ENC1: variants seen among roughly 807,000 people sequenced by gnomAD.
ENC1 encodes the protein ectodermal-neural cortex 1, also known as ectoderm-neural cortex protein 1.
ENC1 carries 19 observed loss-of-function variants against 40.9 expected under a neutral mutation model. The observed-to-expected ratio is 0.46, with a 90% CI of 0.32 to 0.68. The LOEUF is 0.68. ENC1 is among the 30% of genes least tolerant of loss of function. The pLI is 0.03. For synonymous variants in ENC1, 285 were observed against 291.1 expected, an observed-to-expected ratio of 0.98 and a Z score of 0.21; for missense variants, 479 against 737.5, an observed-to-expected ratio of 0.65 and a Z score of 4.06.
rs1253076251 is a variant in ENC1 at position 74,627,427 on chromosome 5, T to C, written c.*2598A>G. 6.6e-6 allele frequency: 1 copy of C among 151,508 alleles called. No individual in the cohort carries two copies. The highest frequency in any genetic ancestry group is 2.4e-5 in the African/African-American group (1 of 40,916). The allele number at this position is 151,508 out of a possible 1,614,324, so 9.4% of individuals were successfully genotyped here. ...CACATAATGAAGAGAAAATCTCTAATAATTTATTGACCTTCAGTTTCACAT... is the reference window on the plus strand; with the variant it reads ...CACATAATGAAGAGAAAATCTCTAACAATTTATTGACCTTCAGTTTCACAT... On this transcript the variant is annotated 3_prime_UTR_variant, in exon 3 of 3. Coordinates refer to ENST00000302351, the MANE Select transcript of ENC1 (RefSeq NM_003633.4).
At chr5:74,630,954 TC>T (rs1237694542) in intron 2 of ENC1, among the ~76,000 whole-genome samples, 1 of 152,198 alleles carries the variant, frequency 6.6e-6, no homozygotes, top group African/African-American at 2.4e-5. Flanking sequence ...TTTGGCTGTT[TC>T]CTAACAGTGA....
rs183052915 is a variant in ENC1, at chr5:74,632,832, T to C, written c.*32+1852A>G. 4.9e-3 allele frequency among the ~76,000 whole-genome samples: 744 copies of C among 152,156 alleles called. 7 individuals are homozygous for C. Among genetic ancestry groups the C allele is most frequent in the African/African-American group, 0.017 (706 of 41,528 alleles). On this transcript the variant is annotated intron_variant, in intron 2 of 2. Transcript: ENST00000302351. ...CACCATTGCACCCCAGCCTGGGAAATAGAATAAGACTCTGTCTCAAAAAGA... is the reference window on the plus strand; with the variant it reads ...CACCATTGCACCCCAGCCTGGGAAACAGAATAAGACTCTGTCTCAAAAAGA...
intron 2 of ENC1, among the ~76,000 whole-genome samples, chr5:74,634,396 A>G (rs2112025366): frequency 6.6e-6 from 1 of 152,224 alleles, no homozygotes; most frequent in South Asian, 2.1e-4. Context: ...TGGGTGACAG[A>G]GCGAGACTCT....
At chr5:74,630,634 C>T (rs906295552) in intron 2 of ENC1, among the ~76,000 whole-genome samples, 17 of 152,176 alleles carry the variant, frequency 1.1e-4, no homozygotes, top group African/African-American at 2.9e-4. Context: ...TCAGTCCACA[C>T]GTAGGTGCCA....
chr5:74,630,933 G>A (rs1469365756), intron 2 of ENC1, among the ~76,000 whole-genome samples: 1 of 152,156 alleles, frequency 6.6e-6, no homozygotes, highest in Non-Finnish European at 1.5e-5. Context: ...TTCATTTCAT[G>A]AGTTGTTTCT....
rs1561194018 is a variant in ENC1, at chr5:74,636,579, A to C, written c.-13-81T>G. 2 of 800,772 alleles carry C rather than the reference A, an allele frequency of 2.5e-6. No individual in the cohort carries two copies. Among genetic ancestry groups the C allele is most frequent in the African/African-American group, 1.7e-5 (1 of 57,558 alleles). 49.6% of individuals were successfully genotyped at this position (800,772 alleles called of 1,614,324 possible). On this transcript the variant is annotated intron_variant, in intron 1 of 2. Transcript: ENST00000302351. The surrounding 1 kb of genome is among the most constrained non-coding windows in gnomAD (Gnocchi z 4.8). The stretch of plus-strand genomic sequence containing the variant: ...AGAACGAAAGCAACAATGGTTTTGC[A>C]CAAAAAACAGAACACTTTGTTGTTG...
rs769371714 is a variant in ENC1, at chr5:74,634,696, C to A, written c.*20G>T. 1 of 1,552,712 alleles carries A rather than the reference C, an allele frequency of 6.4e-7. No homozygotes were observed. The highest frequency in any genetic ancestry group is 8.9e-7 in the Non-Finnish European group (1 of 1,127,430). ...CTAAACTTCTTACCTCATGCTCACT[C>A]TCTTTAGAATGTACTGCATTTAAGA... On this transcript the variant is annotated 3_prime_UTR_variant, in exon 2 of 3. Coordinates refer to ENST00000302351, the MANE Select transcript of ENC1 (RefSeq NM_003633.4).
chr5:74,634,628 A>AT, intron 2 of ENC1, 56 bp downstream of exon 2: 1 of 819,066 alleles, frequency 1.2e-6, no homozygotes, highest in Non-Finnish European at 2.0e-6. Context: ...CCATGTACTG[A>AT]ACTTACACAA....
At position 74,627,426 on chromosome 5, in the gene ENC1, A is replaced by G. The variant is rs184988547; in HGVS notation, c.*2599T>C. 4 of 152,650 alleles carry G rather than the reference A, an allele frequency of 2.6e-5. No homozygotes were observed. The highest frequency in any genetic ancestry group is 3.4e-3 in the Middle Eastern group (1 of 294). 9.5% of individuals were successfully genotyped at this position (152,650 alleles called of 1,614,324 possible). A position where few individuals can be genotyped will look rare whatever the true frequency, so the allele number is the denominator to read the frequency against. On this transcript the variant is annotated 3_prime_UTR_variant, in exon 3 of 3. Transcript: ENST00000302351. ...ACACATAATGAAGAGAAAATCTCTA[A>G]TAATTTATTGACCTTCAGTTTCACA...
rs551171359 is a variant in ENC1 at position 74,634,800 on chromosome 5, T to C, written c.1686A>G (p.Leu562=). 1.7e-5 allele frequency: 27 copies of C among 1,614,094 alleles called. No homozygotes were observed. In the East Asian group the frequency reaches 5.3e-4, roughly 32 times the overall value. The change falls in exon 2 of 3, where the codon TTA becomes TTG. Residue 562 remains leucine, a synonymous_variant. Coordinates refer to ENST00000302351, the MANE Select transcript of ENC1 (RefSeq NM_003633.4). ...CAGTGGTGATGCTGTTCCACACGTC[T>C]AATGTTGGATCGTAGCAGTCCAAAG... ...CKTLDCYDPT[L]DVWNSITTVP... is the part of the protein sequence containing the mutation.
rs968083805 is a variant in ENC1, at chr5:74,628,876, C to G, written c.*1149G>C. The G allele has an allele frequency of 6.6e-6, 1 of 152,058 alleles. No homozygotes were observed. The highest frequency in any genetic ancestry group is 2.4e-5 in the African/African-American group (1 of 41,380). The allele number at this position is 152,058 out of a possible 1,614,324, so 9.4% of individuals were successfully genotyped here. ...AATGCCTTTACTTGTGCCCTATATA[C>G]AGAACTATTCCATAGAATTTTCCAG... On this transcript the variant is annotated 3_prime_UTR_variant, in exon 3 of 3. Coordinates refer to ENST00000302351, the MANE Select transcript of ENC1 (RefSeq NM_003633.4).
Position 74,636,009 on chromosome 5 carries a change from G to T in ENC1, c.477C>A (p.His159Gln). Residue 159 changes from histidine (H) to glutamine (Q), a missense_variant, in exon 2 of 3, where the codon CAC becomes CAA. By Grantham distance (24) the His-to-Gln change is conservative (BLOSUM62 0). Coordinates refer to ENST00000302351, the MANE Select transcript of ENC1 (RefSeq NM_003633.4). This position sits in a 1 kb window ranked among gnomAD's most constrained non-coding sequence, Gnocchi z 4.8. ...CLGMLLLSDA[H>Q]QCTKLYELSW... is the part of the protein sequence containing the mutation. ...ATAGTTCGTACAGCTTGGTGCACTG[G>T]TGTGCATCAGACAGCAGCAGCATGC... The T allele has an allele frequency of 6.2e-7, 1 of 1,613,430 alleles. No homozygotes were observed. The highest frequency in any genetic ancestry group is 8.5e-7 in the Non-Finnish European group (1 of 1,179,356).
chr5:74,631,477 A>G (rs1305781170), intron 2 of ENC1, among the ~76,000 whole-genome samples: 3 of 152,174 alleles, frequency 2.0e-5, no homozygotes, highest in Non-Finnish European at 4.4e-5. Context: ...ACTTTAAGGC[A>G]CTCCAACCCC....
chr5:74,635,275 G>T lies in ENC1; in HGVS notation c.1211C>A (p.Pro404Gln). 1 of 1,614,192 alleles carries T rather than the reference G, an allele frequency of 6.2e-7. No individual in the cohort carries two copies. The highest frequency in any genetic ancestry group is 1.1e-5 in the South Asian group (1 of 91,074). Residue 404 changes from proline to glutamine, a missense_variant, in exon 2 of 3, where the codon CCG (proline) becomes CAG (glutamine). Coordinates refer to ENST00000302351, the MANE Select transcript of ENC1 (RefSeq NM_003633.4). This position sits in a 1 kb window ranked among gnomAD's most constrained non-coding sequence, Gnocchi z 5.5. ...GGHTAATGCL[P>Q]ASPSVSLKQV... Reference sequence around the variant, plus strand: ...CTTTAGAGAGACTGAGGGGGAGGCCGGGAGGCAGCCAGTTGCGGCCGTGTG... The same window carrying T: ...CTTTAGAGAGACTGAGGGGGAGGCCTGGAGGCAGCCAGTTGCGGCCGTGTG...
rs1747299056 is a variant in ENC1, at chr5:74,629,043, A to G, written c.*982T>C. On this transcript the variant is annotated 3_prime_UTR_variant, in exon 3 of 3. Coordinates refer to ENST00000302351, the MANE Select transcript of ENC1 (RefSeq NM_003633.4). ...AGCCTCCCCTTACCCTATCAGCACA[A>G]CCAAACCCCATGAAATCCCATTAAA... The G allele has an allele frequency of 6.6e-6, 1 of 152,286 alleles. No homozygotes were observed. Among genetic ancestry groups the G allele is most frequent in the Admixed American group, 6.5e-5 (1 of 15,308 alleles). 9.4% of individuals were successfully genotyped at this position (152,286 alleles called of 1,614,324 possible). A position where few individuals can be genotyped will look rare whatever the true frequency, so the allele number is the denominator to read the frequency against.
At chr5:74,637,641 CG>C (rs1242379055) in intron 1 of ENC1, 2 of 152,160 alleles carry the variant, frequency 1.3e-5, no homozygotes, top group Non-Finnish European at 2.9e-5. Context: ...AAGATCCATC[CG>C]TCTTTTGATT....
chr5:74,629,767 A>T lies in ENC1; in HGVS notation c.*258T>A, dbSNP rs1747328254. ...TGACATTAATCCACAATTACAAGAC[A>T]AGGACTAGATCACAGGTTTGTTCAT... On this transcript the variant is annotated 3_prime_UTR_variant, in exon 3 of 3. Coordinates refer to ENST00000302351, the MANE Select transcript of ENC1 (RefSeq NM_003633.4). The T allele has an allele frequency of 6.6e-6, 1 of 151,848 alleles. No homozygotes were observed. Among genetic ancestry groups the T allele is most frequent in the African/African-American group, 2.4e-5 (1 of 41,416 alleles). The allele number at this position is 151,848 out of a possible 1,614,324, so 9.4% of individuals were successfully genotyped here.
chr5:74,638,161 A>T (rs1747676467), intron 1 of ENC1, among the ~76,000 whole-genome samples: 1 of 152,242 alleles, frequency 6.6e-6, no homozygotes, highest in African/African-American at 2.4e-5. Flanking sequence ...CCAAAAGCGC[A>T]GCTGAAACTC....
rs760783601 is a variant in ENC1 at position 74,634,854 on chromosome 5, T to C, written c.1632A>G (p.Gly544=). The C allele has an allele frequency of 6.2e-7, 1 of 1,614,182 alleles. No homozygotes were observed. Among genetic ancestry groups the C allele is most frequent in the African/African-American group, 1.3e-5 (1 of 75,040 alleles). The part of the protein sequence containing the change: ...VASGNKLYVV[G]GYFGIQRCKT... Reference sequence around the variant, plus strand: ...TGCATCGCTGAATGCCAAAGTATCCTCCAACCACGTAGAGTTTGTTTCCAG... The same window carrying C: ...TGCATCGCTGAATGCCAAAGTATCCCCCAACCACGTAGAGTTTGTTTCCAG... The change falls in exon 2 of 3, where the codon GGA becomes GGG. Residue 544 remains glycine, a synonymous_variant. Transcript: ENST00000302351.
Sources: gnomAD v4.1 joint callset for allele counts (sites outside exome capture counted in the v4.1 genomes callset) on GRCh38, gnomAD v4.1.1 for gene constraint, Gnocchi (gnomAD v3.1) non-coding constraint, MANE v1.5 for transcripts, NCBI Gene and HGNC (gene_info 2026-07-23, HGNC 2026-07-21) for gene names.